LAMA2: variants seen among roughly 807,000 people sequenced by gnomAD.
The protein encoded by LAMA2 is laminin subunit alpha-2.
LAMA2 carries 269 observed loss-of-function variants against 364.8 expected under a neutral mutation model. The ratio of observed to expected loss-of-function variants is 0.74; its 90% confidence interval spans 0.67 to 0.82. The LOEUF is 0.82. Ranked by LOEUF, LAMA2 falls within the 40% of genes least tolerant of loss-of-function variation. LAMA2 has a pLI of 0.00. For missense variants in LAMA2, 3,807 were observed against 3,873.2 expected (o/e 0.98, Z 0.45); for synonymous variants, 1,379 against 1,370.6 (o/e 1.01, Z -0.14).
chr6:128,883,316 G>T lies in LAMA2; in HGVS notation c.71G>T (p.Arg24Leu), dbSNP rs1451385109. The T allele has an allele frequency of 6.3e-7, 1 of 1,597,204 alleles. No individual in the cohort carries two copies. Among genetic ancestry groups the T allele is most frequent in the South Asian group, 1.1e-5 (1 of 88,114 alleles). The change falls in exon 1 of 65, where the codon CGG becomes CTG. Residue 24 changes from arginine to leucine, a missense_variant. By Grantham distance (102) the Arg-to-Leu change is moderately radical. Around this residue, in one of 3 missense-constraint regions of LAMA2, gnomAD observed 394 missense variants for 403.5 expected, o/e 0.98. Transcript: ENST00000421865. ...GGCCTCGGGGGCGTACAGGCGCAGC[G>T]GCCGCAGCAGCAGCGGCAGTCACAG... ...SGGLGGVQAQRPQQQRQSQAH... is the reference protein window; with the variant it reads ...SGGLGGVQAQLPQQQRQSQAH...
intron 53 of LAMA2, among the ~76,000 whole-genome samples, chr6:129,478,093 C>T (rs1408430350): frequency 6.6e-6 from 1 of 152,156 alleles, no homozygotes; most frequent in African/African-American, 2.4e-5. Flanking sequence ...TACACTCGGC[C>T]AGTAAACCTA....
At chr6:129,384,223 C>T (rs770980533) in intron 35 of LAMA2, among the ~76,000 whole-genome samples, 1 of 152,122 alleles carries the variant, frequency 6.6e-6, no homozygotes, top group African/African-American at 2.4e-5. Context: ...GTGGTTTATC[C>T]TCTGCTAGAT....
chr6:129,143,290 A>T (rs1778236271), intron 4 of LAMA2, among the ~76,000 whole-genome samples: 2 of 151,748 alleles, frequency 1.3e-5, no homozygotes, highest in African/African-American at 4.8e-5. Flanking sequence ...TACATTCTTG[A>T]TGAATTTTTA....
At chr6:129,369,843 AC>A in intron 33 of LAMA2, 48 bp from the exon 34 acceptor site, 1 of 1,456,284 alleles carries the variant, frequency 6.9e-7, no homozygotes, top group Non-Finnish European at 9.7e-7. Flanking sequence ...GAACACTATC[AC>A]TGCAAGGCCA....
rs139633655 is a variant in LAMA2, at chr6:129,138,191, A to C, written c.640-5710A>C. 4.0e-4 allele frequency among the ~76,000 whole-genome samples: 61 copies of C among 152,210 alleles called. 2 individuals are homozygous for C. The East Asian group carries it at 0.011, about 28-fold the overall frequency. On this transcript the variant is annotated intron_variant, in intron 4 of 64. Transcript: ENST00000421865. The stretch of plus-strand genomic sequence containing the variant: ...AGTGAATGAGTGATAGACTGACTAT[A>C]TGAATGGGAAATATTGAAATATAAA...
intron 1 of LAMA2, among the ~76,000 whole-genome samples, chr6:128,998,684 T>A (rs1784170133): frequency 2.0e-5 from 1 of 49,316 alleles, no homozygotes; most frequent in Admixed American, 1.8e-4. Flanking sequence ...ATTGCGCTTT[T>A]CAGACCGGCT....
intron 1 of LAMA2, among the ~76,000 whole-genome samples, chr6:128,908,530 T>A (rs1402745823): frequency 6.8e-6 from 1 of 146,832 alleles, no homozygotes; most frequent in East Asian, 2.0e-4. Flanking sequence ...CTCTCTTTTT[T>A]TCTTTATTAG....
intron 4 of LAMA2, among the ~76,000 whole-genome samples, chr6:129,115,880 G>A (rs1003487962): frequency 6.6e-6 from 1 of 152,168 alleles, no homozygotes; most frequent in Admixed American, 6.6e-5. Flanking sequence ...CTAAGGTGCA[G>A]ATGTAATAAA....
At chr6:129,047,160 G>C (rs541992339) in intron 1 of LAMA2, among the ~76,000 whole-genome samples, 3 of 152,062 alleles carry the variant, frequency 2.0e-5, no homozygotes, top group African/African-American at 7.2e-5. Context: ...TTGTTAGGAA[G>C]TTTTCACTAA....
intron 12 of LAMA2, among the ~76,000 whole-genome samples, chr6:129,206,460 A>C (rs1782685392): frequency 6.6e-6 from 1 of 152,220 alleles, no homozygotes; most frequent in South Asian, 2.1e-4. Flanking sequence ...AGCTGTTGTA[A>C]AAATTATTGC....
intron 12 of LAMA2, among the ~76,000 whole-genome samples, chr6:129,236,806 CATT>C (rs1181055421): frequency 3.4e-4 from 51 of 152,150 alleles, no homozygotes; most frequent in African/African-American, 1.2e-3. Flanking sequence ...ATACTATACA[CATT>C]ATAAGAGCAC....
At chr6:129,040,181 T>C (rs1161939943) in intron 1 of LAMA2, among the ~76,000 whole-genome samples, 2 of 152,180 alleles carry the variant, frequency 1.3e-5, no homozygotes, top group African/African-American at 4.8e-5. Flanking sequence ...CTGGTTGACA[T>C]TTATCTACCT....
intron 12 of LAMA2, among the ~76,000 whole-genome samples, chr6:129,197,030 C>T (rs1781891989): frequency 6.6e-6 from 1 of 152,130 alleles, no homozygotes; most frequent in Admixed American, 6.5e-5. Context: ...CCAACAGTAA[C>T]ATTAAAACAG....
At chr6:129,393,734 T>A (rs1264137628) in intron 37 of LAMA2, among the ~76,000 whole-genome samples, 1 of 152,150 alleles carries the variant, frequency 6.6e-6, no homozygotes, top group Non-Finnish European at 1.5e-5. Context: ...TCACAAATCT[T>A]GTTCAGAGAT....
intron 42 of LAMA2, among the ~76,000 whole-genome samples, chr6:129,440,193 T>C (rs945163469): frequency 6.6e-6 from 1 of 151,976 alleles, no homozygotes; most frequent in Non-Finnish European, 1.5e-5. Flanking sequence ...ATAGGTACAA[T>C]ATACAAATTA....
At chr6:129,430,626 A>C (rs755016267) in intron 41 of LAMA2, among the ~76,000 whole-genome samples, 1 of 152,180 alleles carries the variant, frequency 6.6e-6, no homozygotes, top group Non-Finnish European at 1.5e-5. Context: ...TGAAAAGATG[A>C]ATTAGTACCA....
rs2451681 is a variant in LAMA2, at chr6:129,335,219, T to C, written c.4311+6807T>C. On this transcript the variant is annotated intron_variant, in intron 29 of 64. Transcript: ENST00000421865. ...AATCCTGTACATAGGCATGTTATTA[T>C]GAATAGCTCAGTGACATTGCTCCTT... 3.0e-3 allele frequency among the ~76,000 whole-genome samples: 455 copies of C among 152,290 alleles called. 1 individual carries two copies. The highest frequency in any genetic ancestry group is 0.01 in the African/African-American group (422 of 41,574).
chr6:129,051,700 C>CTATAGATATCTATATCTATAGATAGATA (rs1788047475), intron 2 of LAMA2, among the ~76,000 whole-genome samples: 2 of 34,252 alleles, frequency 5.8e-5, no homozygotes, highest in Non-Finnish European at 1.1e-4. Context: ...ATAGATCGAT[C>CTATAGATATCTATATCTATAGATAGATA]TATAGATATC....
intron 40 of LAMA2, among the ~76,000 whole-genome samples, chr6:129,417,592 C>T (rs1409037144): frequency 6.6e-6 from 1 of 152,104 alleles, no homozygotes; most frequent in Non-Finnish European, 1.5e-5. Flanking sequence ...CACTGAGGGC[C>T]CACCCCTTTC....
Sources: allele counts gnomAD v4.1 joint callset (sites outside exome capture counted in the v4.1 genomes callset), GRCh38; gene constraint gnomAD v4.1.1; regional missense constraint gnomAD v4.1.1; transcripts MANE v1.5; gene names NCBI Gene and HGNC (gene_info 2026-07-23, HGNC 2026-07-21).